Variants in GDAP2 observed in about 807,000 individuals in gnomAD.
GDAP2 encodes the protein ganglioside induced differentiation associated protein 2, also known as ganglioside-induced differentiation-associated protein 2.
In GDAP2, 51 loss-of-function variants were observed where a neutral mutation model predicts 67.0. That is an observed-to-expected ratio of 0.76 (90% CI 0.61 to 0.96). The LOEUF is 0.96. Ranked by LOEUF, GDAP2 falls within the 40% of genes least tolerant of loss-of-function variation. GDAP2 has a pLI of 0.00. For missense variants in GDAP2, 547 were observed against 588.3 expected, an observed-to-expected ratio of 0.93 and a Z score of 0.73; for synonymous variants, 203 against 207.3, an observed-to-expected ratio of 0.98 and a Z score of 0.18.
chr1:117,907,959 C>G lies in GDAP2; in HGVS notation c.560-1377G>C, dbSNP rs116105830. ...CTTTCCCCCACTCAGCTCTTTAGTCCTGTTTTCAATTATTCCTCCCACATC... is the reference window on the plus strand; with the variant it reads ...CTTTCCCCCACTCAGCTCTTTAGTCGTGTTTTCAATTATTCCTCCCACATC... On this transcript the variant is annotated intron_variant, in intron 5 of 13. Transcript: ENST00000369443. Among the ~76,000 whole-genome samples, 493 of 152,268 alleles carry G rather than the reference C, an allele frequency of 3.2e-3. 3 individuals are homozygous for G. Among genetic ancestry groups the G allele is most frequent in the African/African-American group, 0.012 (478 of 41,564 alleles).
intron 6 of GDAP2, among the ~76,000 whole-genome samples, chr1:117,899,559 A>G (rs888396688): frequency 1.3e-5 from 2 of 152,170 alleles, no homozygotes; most frequent in African/African-American, 4.8e-5. Context: ...CTACTTCCTT[A>G]ACCCTCAGTG....
intron 1 of GDAP2, among the ~76,000 whole-genome samples, chr1:117,922,501 T>A (rs1392835389): frequency 6.6e-6 from 1 of 152,162 alleles, no homozygotes; most frequent in Non-Finnish European, 1.5e-5. Flanking sequence ...TTATTTCATG[T>A]AGGTTCTTTT....
intron 8 of GDAP2, among the ~76,000 whole-genome samples, chr1:117,891,025 A>T (rs181299794): frequency 4.6e-5 from 7 of 151,914 alleles, no homozygotes; most frequent in Admixed American, 3.9e-4. Context: ...GGGATTTGGG[A>T]TGTTCAACTG....
At chr1:117,925,272 G>C (rs929454570) in intron 1 of GDAP2, among the ~76,000 whole-genome samples, 3 of 151,972 alleles carry the variant, frequency 2.0e-5, no homozygotes, top group African/African-American at 7.3e-5. Flanking sequence ...GGGCAACATA[G>C]TGAGACCCCA....
At position 117,900,722 on chromosome 1, in the gene GDAP2, G is replaced by A. The variant is rs570203872; in HGVS notation, c.637-1506C>T. On this transcript the variant is annotated intron_variant, in intron 6 of 13. Transcript: ENST00000369443. Reference sequence around the variant, plus strand: ...TGGAGGTTGCAGTGAGCGAGATTGCGCCACTGCACTCCAGCCTGGTGACAG... The same window carrying A: ...TGGAGGTTGCAGTGAGCGAGATTGCACCACTGCACTCCAGCCTGGTGACAG... 2.8e-3 allele frequency among the ~76,000 whole-genome samples: 412 copies of A among 145,788 alleles called. 2 individuals are homozygous for A. The highest frequency in any genetic ancestry group is 3.6e-3 in the Non-Finnish European group (243 of 66,862).
rs1221646415 is a variant in GDAP2, at chr1:117,868,392, C to T, written c.*2177G>A. 2 of 152,138 alleles carry T rather than the reference C, an allele frequency of 1.3e-5. No individual in the cohort carries two copies. Among genetic ancestry groups the T allele is most frequent in the African/African-American group, 4.8e-5 (2 of 41,424 alleles). The allele number at this position is 152,138 out of a possible 1,614,324, so 9.4% of individuals were successfully genotyped here. A position where few individuals can be genotyped will look rare whatever the true frequency, so the allele number is the denominator to read the frequency against. On this transcript the variant is annotated 3_prime_UTR_variant, in exon 14 of 14. Coordinates refer to ENST00000369443, the MANE Select transcript of GDAP2 (RefSeq NM_017686.4). Reference sequence around the variant, plus strand: ...TCTGTATCACCTTTATACCCTAGGACATCAATTGTACTAAAATCTCAGCAT... The same window carrying T: ...TCTGTATCACCTTTATACCCTAGGATATCAATTGTACTAAAATCTCAGCAT...
chr1:117,883,375 A>C (rs1474221646), intron 11 of GDAP2, 113 bp downstream of exon 11: 5 of 742,922 alleles, frequency 6.7e-6, no homozygotes, highest in Non-Finnish European at 1.1e-5. Context: ...GTATGATAAA[A>C]GTCTTTGTTA....
intron 3 of GDAP2, 77 bp downstream of exon 3, chr1:117,918,520 A>C: frequency 1.9e-6 from 2 of 1,078,178 alleles, no homozygotes; most frequent in Non-Finnish European, 2.7e-6. Flanking sequence ...TTTTCCCACA[A>C]AACATGCCTC....
Position 117,906,523 on chromosome 1 carries a change from C to T in GDAP2, c.619G>A (p.Val207Ile), listed in dbSNP as rs576884049. ...CAAAATACCTCTTCAAGATCAGAGA[C>T]AGCAAATACTACTTTTTCAATGGTT... ...GETIEKVVFA[V>I]SDLEEGTYQK... is the part of the protein sequence containing the mutation. Residue 207 changes from valine (V) to isoleucine (I), a missense_variant, in exon 6 of 14, where the codon GTC becomes ATC. By Grantham distance (29) the Val-to-Ile change is conservative (BLOSUM62 3). Coordinates refer to ENST00000369443, the MANE Select transcript of GDAP2 (RefSeq NM_017686.4). The T allele has an allele frequency of 1.9e-5, 30 of 1,561,796 alleles. 1 individual carries two copies. In the South Asian group the frequency reaches 2.8e-4, roughly 15 times the overall value.
At chr1:117,877,339 A>G (rs1401543418) in intron 13 of GDAP2, 1 of 979,416 alleles carries the variant, frequency 1.0e-6, no homozygotes, top group Non-Finnish European at 1.2e-6. Flanking sequence ...CAATATAAAG[A>G]TAAGCAATCA....
Position 117,896,701 on chromosome 1 carries a change from C to T in GDAP2, c.953+132G>A, listed in dbSNP as rs780757011. ...TGCACCTCCAAAATGAGGACGATAT[C>T]TTCCTCACTGATTGTCATGAAAAAT... On this transcript the variant is annotated intron_variant, in intron 8 of 13. Coordinates refer to ENST00000369443, the MANE Select transcript of GDAP2 (RefSeq NM_017686.4). 23 of 600,552 alleles carry T rather than the reference C, an allele frequency of 3.8e-5. No homozygotes were observed. The Middle Eastern group carries it at 1.1e-3, about 29-fold the overall frequency. The allele number at this position is 600,552 out of a possible 1,614,324, so 37.2% of individuals were successfully genotyped here.
intron 12 of GDAP2, among the ~76,000 whole-genome samples, chr1:117,880,054 G>A (rs1648598755): frequency 1.3e-5 from 2 of 152,116 alleles, no homozygotes; most frequent in Admixed American, 6.6e-5. Flanking sequence ...ACATGATGGT[G>A]CACGTCTGCA....
Position 117,896,952 on chromosome 1 carries a change from A to C in GDAP2, c.834T>G (p.Asp278Glu). Residue 278 changes from aspartate to glutamate, a missense_variant, in exon 8 of 14, where the codon GAT becomes GAG. Transcript: ENST00000369443. ...QEEEDEGLGVDLSFIGSHAFA... is the reference protein window; with the variant it reads ...QEEEDEGLGVELSFIGSHAFA... ...AAGCATGAGAGCCAATGAAAGAGAGATCAACTCCCAAGCCTTCATCCTCCT... is the reference window on the plus strand; with the variant it reads ...AAGCATGAGAGCCAATGAAAGAGAGCTCAACTCCCAAGCCTTCATCCTCCT... 6.2e-7 allele frequency: 1 copy of C among 1,612,068 alleles called. No homozygotes were observed. Among genetic ancestry groups the C allele is most frequent in the Non-Finnish European group, 8.5e-7 (1 of 1,178,556 alleles).
chr1:117,897,332 A>T (rs534300896), intron 7 of GDAP2, among the ~76,000 whole-genome samples: 1 of 152,322 alleles, frequency 6.6e-6, no homozygotes, highest in African/African-American at 2.4e-5. Context: ...AGCATCTGAC[A>T]AAAAAGAAGT....
chr1:117,924,713 A>T (rs1027256119), intron 1 of GDAP2, among the ~76,000 whole-genome samples: 7 of 152,194 alleles, frequency 4.6e-5, no homozygotes, highest in Non-Finnish European at 7.3e-5. Flanking sequence ...GTATGAGAAG[A>T]CTATTCTTAT....
Position 117,867,410 on chromosome 1 carries a change from T to C in GDAP2, c.*3159A>G, listed in dbSNP as rs991605802. On this transcript the variant is annotated 3_prime_UTR_variant, in exon 14 of 14. Coordinates refer to ENST00000369443, the MANE Select transcript of GDAP2 (RefSeq NM_017686.4). ...TTCCTTTGAAAAAGGAAATACAGGA[T>C]GGGCACGGTGGCTCATACTGGTAAG... 2 of 150,910 alleles carry C rather than the reference T, an allele frequency of 1.3e-5. No homozygotes were observed. The highest frequency in any genetic ancestry group is 2.9e-5 in the Non-Finnish European group (2 of 67,906). The allele number at this position is 150,910 out of a possible 1,614,324, so 9.3% of individuals were successfully genotyped here.
At chr1:117,885,756 C>A (rs896345892) in intron 10 of GDAP2, among the ~76,000 whole-genome samples, 1 of 151,886 alleles carries the variant, frequency 6.6e-6, no homozygotes, top group East Asian at 1.9e-4. Context: ...TTTAAGTATA[C>A]AATTTTTTTT....
intron 7 of GDAP2, among the ~76,000 whole-genome samples, chr1:117,897,889 AT>A (rs1649318805): frequency 6.6e-6 from 1 of 152,174 alleles, no homozygotes; most frequent in South Asian, 2.1e-4. Context: ...GGTTATATAT[AT>A]TTTAACAGAT....
At position 117,868,695 on chromosome 1, in the gene GDAP2, T is replaced by A. The variant is rs543547225; in HGVS notation, c.*1874A>T. ...TCAAATATGATCTCACGATTGACTG[T>A]AGAAGATGAAGTTAAAGTTGCAGAC... On this transcript the variant is annotated 3_prime_UTR_variant, in exon 14 of 14. Coordinates refer to ENST00000369443, the MANE Select transcript of GDAP2 (RefSeq NM_017686.4). 3 of 152,016 alleles carry A rather than the reference T, an allele frequency of 2.0e-5. No individual in the cohort carries two copies. Among genetic ancestry groups the A allele is most frequent in the Non-Finnish European group, 4.4e-5 (3 of 68,002 alleles). 9.4% of individuals were successfully genotyped at this position (152,016 alleles called of 1,614,324 possible).
Sources: gnomAD v4.1 joint callset for allele counts (sites outside exome capture counted in the v4.1 genomes callset) on GRCh38, gnomAD v4.1.1 for gene constraint, MANE v1.5 for transcripts, NCBI Gene and HGNC (gene_info 2026-07-23, HGNC 2026-07-21) for gene names.